Variants in NPAS3 observed in about 807,000 individuals in gnomAD.
NPAS3 encodes neuronal PAS domain-containing protein 3.
NPAS3 carries 14 observed loss-of-function variants against 73.1 expected under a neutral mutation model. The observed-to-expected ratio is 0.19, with a 90% CI of 0.13 to 0.30. The LOEUF (loss-of-function observed/expected upper bound fraction) is 0.30, where lower values mean the gene tolerates loss of function less well. NPAS3 is among the 10% of genes least tolerant of loss of function. The pLI, the probability that NPAS3 is intolerant of heterozygous loss-of-function variation, is 1.00. For missense variants in NPAS3, 1,096 were observed against 1,250.0 expected, an observed-to-expected ratio of 0.88 and a Z score of 1.86; for synonymous variants, 620 against 541.5, an observed-to-expected ratio of 1.14 and a Z score of -2.01.
At chr14:33,559,892 G>T (rs2055555468) in intron 4 of NPAS3, among the ~76,000 whole-genome samples, 1 of 151,926 alleles carries the variant, frequency 6.6e-6, no homozygotes, top group Non-Finnish European at 1.5e-5. Context: ...GGTGGCACAT[G>T]CCTGTAGTCC....
At chr14:33,442,237 G>A (rs1448116087) in intron 4 of NPAS3, among the ~76,000 whole-genome samples, 2 of 152,052 alleles carry the variant, frequency 1.3e-5, no homozygotes, top group Non-Finnish European at 2.9e-5. Context: ...CTGTTTATTT[G>A]TCTAACTTTT....
chr14:33,497,852 T>C (rs528447685), intron 4 of NPAS3, among the ~76,000 whole-genome samples: 12 of 152,148 alleles, frequency 7.9e-5, no homozygotes, highest in African/African-American at 2.9e-4. Context: ...AAATGGGATC[T>C]AATTAAACTA....
At chr14:33,424,986 G>A (rs772756140) in intron 4 of NPAS3, among the ~76,000 whole-genome samples, 3 of 151,966 alleles carry the variant, frequency 2.0e-5, no homozygotes, top group Non-Finnish European at 4.4e-5. Context: ...AAAGATTGTG[G>A]GAAAGAATTA....
chr14:33,662,887 T>C (rs1320909625), intron 5 of NPAS3, among the ~76,000 whole-genome samples: 38 of 145,762 alleles, frequency 2.6e-4, no homozygotes, highest in Admixed American at 1.8e-3. Context: ...TTTTTTTTTT[T>C]TTTTTTTCTG....
chr14:33,168,774 C>T (rs541459711), intron 2 of NPAS3, among the ~76,000 whole-genome samples: 28 of 152,268 alleles, frequency 1.8e-4, no homozygotes, highest in African/African-American at 5.3e-4. Context: ...CTGCCATTCA[C>T]GTTGGCCTTC....
intron 5 of NPAS3, among the ~76,000 whole-genome samples, chr14:33,572,639 G>A (rs1020688545): frequency 1.1e-4 from 17 of 152,164 alleles, no homozygotes; most frequent in Non-Finnish European, 2.2e-4. Flanking sequence ...ACCTCTGGAC[G>A]GTTTACGTAA....
chr14:32,998,723 A>G (rs557258629), intron 1 of NPAS3, among the ~76,000 whole-genome samples: 1 of 152,090 alleles, frequency 6.6e-6, no homozygotes, highest in East Asian at 1.9e-4. Flanking sequence ...TGTTGCCAAA[A>G]CACTTTGTTA....
At chr14:33,210,149 T>A (rs1227693081) in intron 2 of NPAS3, among the ~76,000 whole-genome samples, 1 of 152,146 alleles carries the variant, frequency 6.6e-6, no homozygotes, top group African/African-American at 2.4e-5. Flanking sequence ...AAGTAATCAA[T>A]TTTTCAAAGC....
At chr14:32,999,027 C>T (rs77882944) in intron 1 of NPAS3, among the ~76,000 whole-genome samples, 5,181 of 152,220 alleles carry the variant, frequency 0.034, 309 homozygotes, top group African/African-American at 0.12. Flanking sequence ...ATTCCTCATG[C>T]CCAGTACATG....
Position 33,514,316 on chromosome 14 carries a change from C to T in NPAS3, c.469-45805C>T, listed in dbSNP as rs201903907. Among the ~76,000 whole-genome samples, 17 of 152,106 alleles carry T rather than the reference C, an allele frequency of 1.1e-4. No homozygotes were observed. The East Asian group carries it at 1.6e-3, about 14-fold the overall frequency. ...TGTCTCTAAATCCAACCTCCTATCC[C>T]TCTCAAGTAGATAAACAGTGTACAC... On this transcript the variant is annotated intron_variant, in intron 4 of 11. Transcript: ENST00000356141.
intron 9 of NPAS3, among the ~76,000 whole-genome samples, chr14:33,790,095 C>G (rs963724004): frequency 6.6e-6 from 1 of 152,172 alleles, no homozygotes; most frequent in Non-Finnish European, 1.5e-5. Flanking sequence ...ATCTCTCCTT[C>G]TAGTTCCTCT....
intron 5 of NPAS3, among the ~76,000 whole-genome samples, chr14:33,598,052 A>G (rs2139983067): frequency 6.6e-6 from 1 of 152,300 alleles, no homozygotes; most frequent in East Asian, 1.9e-4. Context: ...GTTCTTTCTA[A>G]TGCTGTGATT....
intron 5 of NPAS3, among the ~76,000 whole-genome samples, chr14:33,647,368 T>C (rs189802837): frequency 7.2e-5 from 11 of 152,178 alleles, no homozygotes; most frequent in Admixed American, 7.2e-4. Flanking sequence ...AGTAATATTT[T>C]TGACCAGCAT....
chr14:33,785,893 C>T (rs1244582643), intron 9 of NPAS3, among the ~76,000 whole-genome samples: 1 of 152,208 alleles, frequency 6.6e-6, no homozygotes, highest in Non-Finnish European at 1.5e-5. Flanking sequence ...GCATCCCCAT[C>T]ATCAGTTCCT....
intron 2 of NPAS3, among the ~76,000 whole-genome samples, chr14:33,201,081 G>T (rs2046595191): frequency 6.6e-6 from 1 of 152,150 alleles, no homozygotes; most frequent in South Asian, 2.1e-4. Flanking sequence ...TAATGCAAAT[G>T]AATGATTCTG....
intron 1 of NPAS3, among the ~76,000 whole-genome samples, chr14:33,008,620 T>G: frequency 6.6e-6 from 1 of 152,232 alleles, no homozygotes; most frequent in East Asian, 1.9e-4. Context: ...TTATAATTTT[T>G]AAGTTTAAGG....
Position 33,495,284 on chromosome 14 carries a change from G to A in NPAS3, c.469-64837G>A, listed in dbSNP as rs559840257. Among the ~76,000 whole-genome samples, 237 of 152,212 alleles carry A rather than the reference G, an allele frequency of 1.6e-3. 1 individual carries two copies. Among genetic ancestry groups the A allele is most frequent in the Non-Finnish European group, 2.4e-3 (162 of 67,990 alleles). On this transcript the variant is annotated intron_variant, in intron 4 of 11. Coordinates refer to ENST00000356141, the Ensembl canonical transcript of NPAS3. ...GTTCAGTTTTCCGTGTAGTTGTGCG[G>A]TTTTGAATGAGTTTCTTAATCCTGA...
chr14:33,286,486 A>G (rs1304040117), intron 3 of NPAS3, among the ~76,000 whole-genome samples: 1 of 152,112 alleles, frequency 6.6e-6, no homozygotes, highest in Non-Finnish European at 1.5e-5. Context: ...CATGCCCCCA[A>G]ATGCTTTCTA....
At chr14:33,000,101 G>A (rs1017912279) in intron 1 of NPAS3, among the ~76,000 whole-genome samples, 2 of 152,198 alleles carry the variant, frequency 1.3e-5, no homozygotes, top group Non-Finnish European at 1.5e-5. Context: ...TTCTAAGAAG[G>A]AGTTGCTGGC....
Sources: gnomAD v4.1 joint callset for allele counts (sites outside exome capture counted in the v4.1 genomes callset) on GRCh38, gnomAD v4.1.1 for gene constraint, MANE v1.5 for transcripts, NCBI Gene and HGNC (gene_info 2026-07-23, HGNC 2026-07-21) for gene names.